UGT2B4: variants seen among roughly 807,000 people sequenced by gnomAD.
UGT2B4 encodes the protein UDP glucuronosyltransferase family 2 member B4.
UGT2B4 carries 49 observed loss-of-function variants against 49.8 expected under a neutral mutation model. That is an observed-to-expected ratio of 0.98 (90% CI 0.78 to 1.25). The LOEUF is 1.25. UGT2B4 is among the 50% of genes most tolerant of loss of function. The probability of loss-of-function intolerance (pLI) is 0.00; values close to 1 mark genes in which losing one functional copy is unlikely to be tolerated. For synonymous variants in UGT2B4, 246 were observed against 217.7 expected (o/e 1.13, Z -1.14); for missense variants, 729 against 627.7 (o/e 1.16, Z -1.73).
intron 2 of UGT2B4, among the ~76,000 whole-genome samples, chr4:69,491,256 T>C (rs1263856584): frequency 1.3e-5 from 2 of 152,090 alleles, no homozygotes; most frequent in Admixed American, 6.6e-5. Flanking sequence ...TAGCTGACTG[T>C]AACTGAATAT....
chr4:69,481,943 T>G (rs1469728406), intron 5 of UGT2B4, among the ~76,000 whole-genome samples: 1 of 152,206 alleles, frequency 6.6e-6, no homozygotes, highest in East Asian at 1.9e-4. Flanking sequence ...ATTAAGACTT[T>G]TGCCTGACTT....
chr4:69,494,740 T>C (rs1007338041), intron 1 of UGT2B4, among the ~76,000 whole-genome samples: 1 of 152,184 alleles, frequency 6.6e-6, no homozygotes, highest in African/African-American at 2.4e-5. Context: ...AAAAAACAAT[T>C]TCTGCAATGT....
intron 1 of UGT2B4, among the ~76,000 whole-genome samples, chr4:69,512,646 G>T (rs143034677): frequency 2.8e-4 from 42 of 152,206 alleles, no homozygotes; most frequent in African/African-American, 8.7e-4. Flanking sequence ...CTTCCATGAT[G>T]GTTGAAGTAA....
intron 1 of UGT2B4, among the ~76,000 whole-genome samples, chr4:69,522,640 G>C (rs905718877): frequency 6.6e-6 from 1 of 152,082 alleles, no homozygotes; most frequent in Non-Finnish European, 1.5e-5. Context: ...TTTTGCCTCC[G>C]TATTAATGGC....
At chr4:69,488,412 A>C (rs1025795670) in intron 3 of UGT2B4, among the ~76,000 whole-genome samples, 1 of 152,118 alleles carries the variant, frequency 6.6e-6, no homozygotes, top group African/African-American at 2.4e-5. Flanking sequence ...TTAAAAAAAA[A>C]TAATTTACGG....
intron 1 of UGT2B4, among the ~76,000 whole-genome samples, chr4:69,518,767 T>C (rs1183576651): frequency 6.6e-6 from 1 of 152,218 alleles, no homozygotes; most frequent in Non-Finnish European, 1.5e-5. Context: ...CTTAGGGGAA[T>C]ACTGTTTCAC....
At position 69,486,667 on chromosome 4, in the gene UGT2B4, T is replaced by C; in HGVS notation, c.1032A>G (p.Pro344=). The change falls in exon 4 of 6, where the codon CCA becomes CCG. Residue 344 remains proline (P), a synonymous_variant. Coordinates refer to ENST00000305107, the MANE Select transcript of UGT2B4 (RefSeq NM_021139.3). ...GCCGAGTATTGAGTCCTAAAGTATCTGGTTTATTCCCATCAAATCTCCACA... is the reference window on the plus strand; with the variant it reads ...GCCGAGTATTGAGTCCTAAAGTATCCGGTTTATTCCCATCAAATCTCCACA... ...KVLWRFDGNK[P]DTLGLNTRLY... The C allele has an allele frequency of 6.2e-7, 1 of 1,608,128 alleles. No individual in the cohort carries two copies. The highest frequency in any genetic ancestry group is 8.5e-7 in the Non-Finnish European group (1 of 1,178,138).
At position 69,495,847 on chromosome 4, in the gene UGT2B4, C is replaced by G; in HGVS notation, c.15G>C (p.Trp5Cys). 1.3e-6 allele frequency: 2 copies of G among 1,594,008 alleles called. No homozygotes were observed. Among genetic ancestry groups the G allele is most frequent in the Non-Finnish European group, 1.7e-6 (2 of 1,173,030 alleles). MSMK[W>C]TSALLLIQLS... is the part of the protein sequence containing the mutation. ...GCTGTATCAGCAGAAGAGCTGAAGT[C>G]CATTTCATAGACATCCTGATGCAAT... The change falls in exon 1 of 6, where the codon TGG becomes TGC. Residue 5 changes from tryptophan (W) to cysteine (C), a missense_variant. Transcript: ENST00000305107.
intron 1 of UGT2B4, among the ~76,000 whole-genome samples, chr4:69,516,605 AT>A (rs1324655753): frequency 1.6e-4 from 25 of 151,698 alleles, no homozygotes; most frequent in Non-Finnish European, 3.5e-4. Flanking sequence ...TTTCATTGTT[AT>A]TTATGTATTT....
At chr4:69,488,728 A>G (rs1014388182) in intron 3 of UGT2B4, among the ~76,000 whole-genome samples, 3 of 151,728 alleles carry the variant, frequency 2.0e-5, no homozygotes, top group Non-Finnish European at 2.9e-5. Context: ...TTTATACTAC[A>G]CAGGGTCCAC....
chr4:69,510,302 G>T (rs1232738962), intron 1 of UGT2B4, among the ~76,000 whole-genome samples: 1 of 151,982 alleles, frequency 6.6e-6, no homozygotes, highest in Non-Finnish European at 1.5e-5. Flanking sequence ...CAGCTTTGTT[G>T]GACTTTCTCC....
At position 69,480,479 on chromosome 4, in the gene UGT2B4, A is replaced by G; in HGVS notation, c.*155T>C. On this transcript the variant is annotated 3_prime_UTR_variant, in exon 6 of 6. Coordinates refer to ENST00000305107, the MANE Select transcript of UGT2B4 (RefSeq NM_021139.3). Reference sequence around the variant, plus strand: ...GACATGAAATATTTCTAATGGTTAAACAGGTACTAAAACAAATTTTGACTT... The same window carrying G: ...GACATGAAATATTTCTAATGGTTAAGCAGGTACTAAAACAAATTTTGACTT... 5 of 1,135,890 alleles carry G rather than the reference A, an allele frequency of 4.4e-6. No individual in the cohort carries two copies. In the East Asian group the frequency reaches 1.0e-4, roughly 23 times the overall value. 70.4% of individuals were successfully genotyped at this position (1,135,890 alleles called of 1,614,324 possible).
chr4:69,489,028 G>T (rs1014334506), intron 3 of UGT2B4, among the ~76,000 whole-genome samples: 1 of 152,106 alleles, frequency 6.6e-6, no homozygotes, highest in Non-Finnish European at 1.5e-5. Flanking sequence ...ACCTGCTATT[G>T]TTATTGTGCT....
At chr4:69,504,390 A>G (rs1343351315) in intron 1 of UGT2B4, among the ~76,000 whole-genome samples, 3 of 152,226 alleles carry the variant, frequency 2.0e-5, no homozygotes, top group Admixed American at 2.0e-4. Flanking sequence ...AGTAACCAGT[A>G]TAAAGAAGAA....
intron 2 of UGT2B4, among the ~76,000 whole-genome samples, chr4:69,490,384 G>A (rs1175444829): frequency 6.6e-6 from 1 of 152,096 alleles, no homozygotes; most frequent in Admixed American, 6.6e-5. Context: ...TGCATGTGAG[G>A]AATTCTCATC....
chr4:69,508,870 A>T (rs9991662), intron 1 of UGT2B4, among the ~76,000 whole-genome samples: 82 of 151,450 alleles, frequency 5.4e-4, no homozygotes, highest in East Asian at 7.8e-4. Flanking sequence ...ATATATTTTA[A>T]GTGTAAAATA....
chr4:69,518,568 T>C (rs1284547953), intron 1 of UGT2B4, among the ~76,000 whole-genome samples: 1 of 152,148 alleles, frequency 6.6e-6, no homozygotes, highest in Admixed American at 6.5e-5. Flanking sequence ...ATACAATATG[T>C]CAGGGAAAAG....
At chr4:69,491,715 G>T (rs538790001) in intron 2 of UGT2B4, among the ~76,000 whole-genome samples, 4 of 151,914 alleles carry the variant, frequency 2.6e-5, no homozygotes, top group Non-Finnish European at 5.9e-5. Context: ...TCCACACCTC[G>T]TACTCTCTTC....
chr4:69,504,079 G>A lies in UGT2B4; in HGVS notation c.-105-8113C>T, dbSNP rs191077981. On this transcript the variant is annotated intron_variant, in intron 1 of 1. Coordinates refer to the UGT2B4 transcript ENST00000510114. Reference sequence around the variant, plus strand: ...AAGATAAAAAAGAAAAATAAGCAAAGGTCAGCAACCTCAAAAATTGATGAC... The same window carrying A: ...AAGATAAAAAAGAAAAATAAGCAAAAGTCAGCAACCTCAAAAATTGATGAC... Among the ~76,000 whole-genome samples, 169 of 152,196 alleles carry A rather than the reference G, an allele frequency of 1.1e-3. 1 individual carries two copies. Among genetic ancestry groups the A allele is most frequent in the Non-Finnish European group, 1.9e-3 (128 of 68,012 alleles).
Sources: allele counts gnomAD v4.1 joint callset (sites outside exome capture counted in the v4.1 genomes callset), GRCh38; gene constraint gnomAD v4.1.1; transcripts MANE v1.5; gene names NCBI Gene and HGNC (gene_info 2026-07-23, HGNC 2026-07-21).